The following KCNH5 variants were observed in gnomAD, a reference collection of about 807,000 sequenced individuals.
The protein encoded by KCNH5 is potassium voltage-gated channel subfamily H member 5, also known as voltage-gated delayed rectifier potassium channel KCNH5.
In KCNH5, 46 loss-of-function variants were observed where a neutral mutation model predicts 96.1. That is an observed-to-expected ratio of 0.48 (90% CI 0.38 to 0.61). KCNH5 has a LOEUF of 0.61. KCNH5 is among the 20% of genes least tolerant of loss of function. The pLI is 0.00. For missense variants in KCNH5, 907 were observed against 1,225.8 expected (o/e 0.74, Z 3.88); for synonymous variants, 439 against 449.8 (o/e 0.98, Z 0.30).
At chr14:62,881,311 T>C (rs1046234532) in intron 7 of KCNH5, among the ~76,000 whole-genome samples, 4 of 152,026 alleles carry the variant, frequency 2.6e-5, no homozygotes, top group African/African-American at 4.8e-5. Flanking sequence ...TTATAAACCC[T>C]CATTATAAGA....
intron 10 of KCNH5, among the ~76,000 whole-genome samples, chr14:62,715,558 A>G (rs1884666175): frequency 6.6e-6 from 1 of 152,256 alleles, no homozygotes; most frequent in East Asian, 1.9e-4. Flanking sequence ...TGAAGGCCAC[A>G]GTGATGGGGC....
chr14:63,023,908 T>C (rs1891475682), intron 1 of KCNH5, among the ~76,000 whole-genome samples: 1 of 151,990 alleles, frequency 6.6e-6, no homozygotes, highest in Non-Finnish European at 1.5e-5. Context: ...GAAAGGGAAA[T>C]TTAAAAATAT....
intron 8 of KCNH5, among the ~76,000 whole-genome samples, chr14:62,841,709 T>C (rs1405085940): frequency 1.3e-5 from 2 of 152,246 alleles, no homozygotes; most frequent in East Asian, 1.9e-4. Context: ...ATAACCGCAA[T>C]AGACTAAATT....
At chr14:62,919,008 A>G (rs1031436178) in intron 7 of KCNH5, among the ~76,000 whole-genome samples, 2 of 152,160 alleles carry the variant, frequency 1.3e-5, no homozygotes, top group African/African-American at 4.8e-5. Context: ...ACAAAGTAGC[A>G]CTATACAACC....
At chr14:62,745,774 A>G (rs1251674149) in intron 10 of KCNH5, among the ~76,000 whole-genome samples, 4 of 152,198 alleles carry the variant, frequency 2.6e-5, no homozygotes, top group Non-Finnish European at 5.9e-5. Flanking sequence ...CTGTGCCTGC[A>G]TGGTAAGTTT....
intron 7 of KCNH5, among the ~76,000 whole-genome samples, chr14:62,936,103 A>T (rs1218617140): frequency 6.6e-6 from 1 of 152,190 alleles, no homozygotes. Flanking sequence ...TGCATGAAAA[A>T]GTGTCTATGA....
intron 4 of KCNH5, among the ~76,000 whole-genome samples, chr14:62,998,276 G>A (rs115539775): frequency 6.4e-4 from 98 of 152,274 alleles, no homozygotes; most frequent in African/African-American, 2.3e-3. Flanking sequence ...GTTGTTCGCA[G>A]TAGCCCTTTA....
intron 10 of KCNH5, among the ~76,000 whole-genome samples, chr14:62,716,604 T>G (rs1275306016): frequency 6.6e-6 from 1 of 152,186 alleles, no homozygotes; most frequent in African/African-American, 2.4e-5. Context: ...GATACTCAGC[T>G]CAACTGTGTC....
intron 7 of KCNH5, among the ~76,000 whole-genome samples, chr14:62,898,895 T>A (rs1483735443): frequency 6.6e-6 from 1 of 152,116 alleles, no homozygotes; most frequent in Non-Finnish European, 1.5e-5. Context: ...TAATTAGAAA[T>A]CCATCAAAAT....
chr14:62,999,528 C>G (rs887303912), intron 4 of KCNH5, among the ~76,000 whole-genome samples: 1 of 151,766 alleles, frequency 6.6e-6, no homozygotes, highest in Non-Finnish European at 1.5e-5. Context: ...GAATACTATG[C>G]AGCCATAAAA....
At chr14:62,938,202 G>C (rs1029975273) in intron 7 of KCNH5, among the ~76,000 whole-genome samples, 1 of 152,136 alleles carries the variant, frequency 6.6e-6, no homozygotes. Context: ...AGGAGATAGA[G>C]TCTAAAAAGG....
intron 7 of KCNH5, among the ~76,000 whole-genome samples, chr14:62,864,176 C>G (rs1888089509): frequency 6.6e-6 from 1 of 152,044 alleles, no homozygotes; most frequent in African/African-American, 2.4e-5. Flanking sequence ...TTTAAAGAAG[C>G]AAATTTTTTA....
intron 7 of KCNH5, among the ~76,000 whole-genome samples, chr14:62,922,191 AT>A (rs1889392605): frequency 6.6e-6 from 1 of 151,930 alleles, no homozygotes; most frequent in South Asian, 2.1e-4. Flanking sequence ...ATTTTACTTG[AT>A]TTTTTTAATC....
chr14:63,042,245 C>T (rs1891838300), intron 1 of KCNH5, among the ~76,000 whole-genome samples: 1 of 151,940 alleles, frequency 6.6e-6, no homozygotes, highest in South Asian at 2.1e-4. Context: ...AGATTGCTTC[C>T]TCTCTGTCTG....
At chr14:62,710,377 G>T (rs993969557) in intron 10 of KCNH5, among the ~76,000 whole-genome samples, 4 of 152,156 alleles carry the variant, frequency 2.6e-5, no homozygotes, top group Admixed American at 1.3e-4. Context: ...TGACATCAAA[G>T]CTCCAGCAGT....
intron 7 of KCNH5, among the ~76,000 whole-genome samples, chr14:62,891,918 C>T (rs1399788747): frequency 6.6e-6 from 1 of 152,180 alleles, no homozygotes; most frequent in Non-Finnish European, 1.5e-5. Context: ...AATGCTCCAT[C>T]AGCCAGCCAT....
intron 10 of KCNH5, among the ~76,000 whole-genome samples, chr14:62,776,253 CA>C (rs1886093410): frequency 6.6e-6 from 1 of 151,342 alleles, no homozygotes; most frequent in African/African-American, 2.4e-5. Flanking sequence ...GGTGACAGAG[CA>C]AGGTTCCATC....
intron 10 of KCNH5, among the ~76,000 whole-genome samples, chr14:62,734,172 C>T (rs1373096653): frequency 6.6e-5 from 10 of 152,118 alleles, no homozygotes; most frequent in African/African-American, 2.2e-4. Context: ...TTCCCCACCC[C>T]CCAACATATC....
At chr14:62,795,591 GTC>G (rs1188429642) in intron 9 of KCNH5, among the ~76,000 whole-genome samples, 1 of 152,110 alleles carries the variant, frequency 6.6e-6, no homozygotes, top group African/African-American at 2.4e-5. Context: ...TCAGAGTAGG[GTC>G]TCTGTGAGGG....
Sources: gnomAD v4.1 joint callset for allele counts (sites outside exome capture counted in the v4.1 genomes callset) on GRCh38, gnomAD v4.1.1 for gene constraint, MANE v1.5 for transcripts, NCBI Gene and HGNC (gene_info 2026-07-23, HGNC 2026-07-21) for gene names.